The following TRDN variants were observed in gnomAD, a reference collection of about 807,000 sequenced individuals.
TRDN encodes the protein triadin, also known as triadin in skeletal muscle.
Under a neutral mutation model 149.7 loss-of-function variants are expected in TRDN, and 161 were observed. The observed-to-expected ratio is 1.08, with a 90% confidence interval of 0.95 to 1.23. The LOEUF (loss-of-function observed/expected upper bound fraction) is 1.23, where lower values mean the gene tolerates loss of function less well. TRDN is among the 50% of genes most tolerant of loss of function. TRDN has a pLI of 0.00. For missense variants in TRDN, 896 were observed against 823.5 expected, an observed-to-expected ratio of 1.09 and a Z score of -1.08; for synonymous variants, 294 against 250.5, an observed-to-expected ratio of 1.17 and a Z score of -1.64.
intron 38 of TRDN, among the ~76,000 whole-genome samples, chr6:123,230,143 T>C (rs4501446): frequency 0.54 from 81,670 of 151,656 alleles, 23,167 homozygotes; most frequent in African/African-American, 0.72. Flanking sequence ...ACCCAAATGT[T>C]CATCAGTGAT....
intron 12 of TRDN, among the ~76,000 whole-genome samples, chr6:123,414,410 G>A (rs1933896): frequency 0.38 from 56,985 of 151,924 alleles, 11,166 homozygotes; most frequent in Middle Eastern, 0.48. Flanking sequence ...GAGATTCATT[G>A]CTTGAGGGAG....
chr6:123,540,439 T>TA (rs796782471), intron 4 of TRDN, among the ~76,000 whole-genome samples: 3,977 of 145,388 alleles, frequency 0.027, 147 homozygotes, highest in African/African-American at 0.09. Flanking sequence ...ATAACATGAT[T>TA]AAAAAAAAAA....
intron 9 of TRDN, among the ~76,000 whole-genome samples, chr6:123,494,855 T>TCCCAAGTGGCTGGGATTACA (rs1313199654): frequency 6.6e-6 from 1 of 151,976 alleles, no homozygotes; most frequent in Non-Finnish European, 1.5e-5. Context: ...TGCCTCAGCC[T>TCCCAAGTGGCTGGGATTACA]CCCAAGTGGC....
chr6:123,298,714 C>T (rs963887442), intron 24 of TRDN, among the ~76,000 whole-genome samples: 2 of 152,010 alleles, frequency 1.3e-5, no homozygotes, highest in African/African-American at 4.8e-5. Context: ...TCCAAATACA[C>T]TTCTGCTAAC....
intron 10 of TRDN, among the ~76,000 whole-genome samples, chr6:123,447,084 C>G (rs1045818683): frequency 6.6e-6 from 1 of 152,064 alleles, no homozygotes; most frequent in Non-Finnish European, 1.5e-5. Flanking sequence ...ACTAAGCTGG[C>G]CTTTCAGGCT....
chr6:123,393,302 T>G (rs1480637476), intron 13 of TRDN, among the ~76,000 whole-genome samples: 3 of 152,052 alleles, frequency 2.0e-5, no homozygotes, highest in Non-Finnish European at 4.4e-5. Context: ...TGTACATTAT[T>G]TTATATCTGT....
intron 6 of TRDN, among the ~76,000 whole-genome samples, chr6:123,515,476 G>A (rs986760799): frequency 8.6e-5 from 13 of 151,918 alleles, no homozygotes; most frequent in African/African-American, 3.1e-4. Flanking sequence ...AATATTTAGT[G>A]ATATGAGAAG....
chr6:123,401,358 G>A (rs1038022192), intron 12 of TRDN, among the ~76,000 whole-genome samples: 4 of 152,146 alleles, frequency 2.6e-5, no homozygotes, highest in Non-Finnish European at 4.4e-5. Context: ...CTAAGCAAAC[G>A]CTTTCTGGTA....
intron 24 of TRDN, among the ~76,000 whole-genome samples, chr6:123,306,367 A>G (rs1778612042): frequency 6.6e-6 from 1 of 152,096 alleles, no homozygotes; most frequent in Non-Finnish European, 1.5e-5. Context: ...CTAACTGTAA[A>G]ATGATTGATT....
At chr6:123,486,932 C>A (rs1777998325) in intron 9 of TRDN, among the ~76,000 whole-genome samples, 1 of 151,900 alleles carries the variant, frequency 6.6e-6, no homozygotes, top group African/African-American at 2.4e-5. Context: ...TATTATTACC[C>A]ATGTTATGCA....
chr6:123,597,295 G>A (rs1325243423), intron 1 of TRDN, among the ~76,000 whole-genome samples: 4 of 152,042 alleles, frequency 2.6e-5, no homozygotes, highest in African/African-American at 9.7e-5. Flanking sequence ...GAACTGAACT[G>A]CCGCAATCTC....
At chr6:123,327,689 C>T (rs539048685) in intron 23 of TRDN, among the ~76,000 whole-genome samples, 3 of 152,028 alleles carry the variant, frequency 2.0e-5, no homozygotes, top group African/African-American at 7.2e-5. Context: ...ATCTTGTATC[C>T]AGAAGTTTTG....
chr6:123,436,030 C>A (rs143800913), intron 12 of TRDN, among the ~76,000 whole-genome samples: 2 of 152,250 alleles, frequency 1.3e-5, no homozygotes, highest in African/African-American at 4.8e-5. Context: ...CAAACACACA[C>A]AAAACCATTG....
At chr6:123,528,401 G>A (rs1343668647) in intron 5 of TRDN, among the ~76,000 whole-genome samples, 1 of 151,682 alleles carries the variant, frequency 6.6e-6, no homozygotes, top group Non-Finnish European at 1.5e-5. Context: ...AAAAACTATA[G>A]AGAAATAGAA....
chr6:123,379,723 T>C (rs983906097), intron 16 of TRDN, among the ~76,000 whole-genome samples: 1 of 152,188 alleles, frequency 6.6e-6, no homozygotes, highest in East Asian at 1.9e-4. Context: ...CCTTAGTAAA[T>C]ATACATTGAT....
intron 21 of TRDN, chr6:123,350,479 A>C: frequency 1.8e-6 from 1 of 559,530 alleles, no homozygotes; most frequent in Non-Finnish European, 2.3e-6. Flanking sequence ...ATTATAAACT[A>C]ATAGATTATT....
At chr6:123,497,983 T>G (rs1778522508) in intron 8 of TRDN, among the ~76,000 whole-genome samples, 1 of 4,788 alleles carries the variant, frequency 2.1e-4, no homozygotes, top group African/African-American at 3.7e-4. Context: ...AGGAGTTGGT[T>G]TTTTTTCTAT....
intron 1 of TRDN, among the ~76,000 whole-genome samples, chr6:123,601,815 A>G (rs1352464940): frequency 6.6e-6 from 1 of 152,130 alleles, no homozygotes; most frequent in African/African-American, 2.4e-5. Flanking sequence ...CATTTGTGCA[A>G]CACTTCAGTT....
At position 123,382,026 on chromosome 6, in the gene TRDN, A is replaced by G. The variant is rs909793295; in HGVS notation, c.1165+92T>C. The G allele has an allele frequency of 9.9e-6, 10 of 1,009,934 alleles. No individual in the cohort carries two copies. In the African/African-American group the frequency reaches 1.4e-4, roughly 14 times the overall value. 62.6% of individuals were successfully genotyped at this position (1,009,934 alleles called of 1,614,324 possible). A position where few individuals can be genotyped will look rare whatever the true frequency, so the allele number is the denominator to read the frequency against. ...TTTTTTCTTCTCCTCTATCCCACACATAATTCTTTCTTCTACATCAATCCT... is the reference window on the plus strand; with the variant it reads ...TTTTTTCTTCTCCTCTATCCCACACGTAATTCTTTCTTCTACATCAATCCT... On this transcript the variant is annotated intron_variant, in intron 15 of 40. Transcript: ENST00000334268.
Sources: allele counts gnomAD v4.1 joint callset (sites outside exome capture counted in the v4.1 genomes callset), GRCh38; gene constraint gnomAD v4.1.1; transcripts MANE v1.5; gene names NCBI Gene and HGNC (gene_info 2026-07-23, HGNC 2026-07-21).